The following ZNF512 variants were observed in gnomAD, a reference collection of about 807,000 sequenced individuals.
The protein encoded by ZNF512 is zinc finger protein 512.
In ZNF512, 25 loss-of-function variants were observed where a neutral mutation model predicts 77.5. The observed-to-expected ratio is 0.32, with a 90% CI of 0.23 to 0.45. The LOEUF is 0.45. Ranked by LOEUF, ZNF512 falls within the 20% of genes least tolerant of loss-of-function variation. The pLI, the probability that ZNF512 is intolerant of heterozygous loss-of-function variation, is 1.00. For missense variants in ZNF512, 483 were observed against 692.6 expected (o/e 0.70, Z 3.40); for synonymous variants, 246 against 239.9 (o/e 1.03, Z -0.24).
In ZNF512 at chr2:27,607,999, A is replaced by G; in HGVS notation, c.1091A>G (p.Lys364Arg). The change falls in exon 10 of 14, where the codon AAG (lysine) becomes AGG (arginine). Residue 364 changes from lysine to arginine, a missense_variant. Around this residue, in one of 2 missense-constraint regions of ZNF512, gnomAD observed 324 missense variants for 525.0 expected, o/e 0.62. Coordinates refer to ENST00000355467, the MANE Select transcript of ZNF512 (RefSeq NM_032434.4). The stretch of plus-strand genomic sequence containing the variant: ...GCTGAACTGGCCAAGGAATGGCCCA[A>G]GAGGAAGGTGCTTCAGGACCTGGTA... Reference protein sequence around the residue: ...ASAELAKEWPKRKVLQDLVPD... With the variant: ...ASAELAKEWPRRKVLQDLVPD... 2 of 1,600,766 alleles carry G rather than the reference A, an allele frequency of 1.2e-6. No homozygotes were observed. The highest frequency in any genetic ancestry group is 1.7e-6 in the Non-Finnish European group (2 of 1,175,150).
chr2:27,603,085 A>G, intron 8 of ZNF512, 55 bp from the exon 9 acceptor site: 1 of 1,589,828 alleles, frequency 6.3e-7, no homozygotes, highest in Non-Finnish European at 8.6e-7. Flanking sequence ...TTAGAAATTT[A>G]GGGATCATGT....
At chr2:27,619,245 A>G (rs1197965211) in intron 13 of ZNF512, among the ~76,000 whole-genome samples, 1 of 152,066 alleles carries the variant, frequency 6.6e-6, no homozygotes. Flanking sequence ...CCCCATCTCT[A>G]CTAAAAAGTT....
intron 2 of ZNF512, among the ~76,000 whole-genome samples, chr2:27,590,829 C>T (rs1204735614): frequency 6.6e-6 from 1 of 152,010 alleles, no homozygotes; most frequent in African/African-American, 2.4e-5. Flanking sequence ...TTTACCATTT[C>T]TGTTGCTCTT....
At position 27,621,310 on chromosome 2, in the gene ZNF512, A is replaced by T. The variant is rs1410556719; in HGVS notation, c.1553A>T (p.Glu518Val). ...CCTGGCATTGAGCTTCCCGAGACAGAGCTGAGTCTTAGAGTAGGGAAGGAT... is the reference window on the plus strand; with the variant it reads ...CCTGGCATTGAGCTTCCCGAGACAGTGCTGAGTCTTAGAGTAGGGAAGGAT... Reference protein sequence around the residue: ...QQPGIELPETELSLRVGKDQR... With the variant: ...QQPGIELPETVLSLRVGKDQR... Residue 518 changes from glutamate (E) to valine (V), a missense_variant, in exon 14 of 14, where the codon GAG becomes GTG. This residue lies in a region of ZNF512 where 324 missense variants were observed against 525.0 expected (regional missense o/e 0.62). Coordinates refer to ENST00000355467, the MANE Select transcript of ZNF512 (RefSeq NM_032434.4). 2 of 1,614,066 alleles carry T rather than the reference A, an allele frequency of 1.2e-6. No homozygotes were observed. Among genetic ancestry groups the T allele is most frequent in the Admixed American group, 1.7e-5 (1 of 59,992 alleles).
chr2:27,600,608 T>C (rs1269755312), intron 5 of ZNF512, 83 bp from the exon 6 acceptor site: 8 of 1,514,236 alleles, frequency 5.3e-6, no homozygotes, highest in Non-Finnish European at 7.1e-6. Flanking sequence ...CATTTTATGA[T>C]ACTTTTCCTA....
At chr2:27,611,452 G>C (rs1672659411) in intron 10 of ZNF512, among the ~76,000 whole-genome samples, 1 of 152,148 alleles carries the variant, frequency 6.6e-6, no homozygotes, top group Non-Finnish European at 1.5e-5. Context: ...TACCACTGAA[G>C]CATGTTGGCC....
At position 27,599,584 on chromosome 2, in the gene ZNF512, G is replaced by A. The variant is rs1362137239; in HGVS notation, c.279G>A (p.Gly93=). The change falls in exon 4 of 14, where the codon GGG becomes GGA. Residue 93 remains glycine, a splice_region_variant and synonymous_variant. Coordinates refer to ENST00000355467, the MANE Select transcript of ZNF512 (RefSeq NM_032434.4). ...IKPAATSHVE[G]SGGVSAKGKR... is the part of the protein sequence containing the mutation. ...TTTTGTTTTTGTATGGTACTTCAGG[G>A]TCAGGTGGAGTATCAGCCAAGGGGA... 1.2e-6 allele frequency: 2 copies of A among 1,613,764 alleles called. No individual in the cohort carries two copies. Among genetic ancestry groups the A allele is most frequent in the South Asian group, 2.2e-5 (2 of 91,070 alleles).
chr2:27,606,590 A>G (rs1572924794), intron 9 of ZNF512, among the ~76,000 whole-genome samples: 1 of 151,890 alleles, frequency 6.6e-6, no homozygotes, highest in Non-Finnish European at 1.5e-5. Flanking sequence ...TGAACTCCTG[A>G]CCTCAGGTTA....
chr2:27,599,339 T>A (rs1396751179), intron 3 of ZNF512, among the ~76,000 whole-genome samples: 6 of 152,214 alleles, frequency 3.9e-5, no homozygotes, highest in Non-Finnish European at 2.9e-5. Flanking sequence ...TGAATGCCCT[T>A]ATTATTCATA....
Position 27,598,181 on chromosome 2 carries a change from A to G in ZNF512, c.204A>G (p.Pro68=), listed in dbSNP as rs1671955141. 27 of 1,614,184 alleles carry G rather than the reference A, an allele frequency of 1.7e-5. No individual in the cohort carries two copies. Among genetic ancestry groups the G allele is most frequent in the Non-Finnish European group, 2.2e-5 (26 of 1,180,024 alleles). ...CGTGTGAACCAGTGAGTGATTTTCC[A>G]GCATCTTTCCGAAAATCTACCTACT... ...ASSCEPVSDF[P]ASFRKSTYWM... is the part of the protein sequence containing the mutation. The change falls in exon 3 of 14, where the codon CCA becomes CCG. Residue 68 remains proline, a synonymous_variant. Transcript: ENST00000355467.
intron 7 of ZNF512, 148 bp downstream of exon 7, chr2:27,601,590 C>T: frequency 1.5e-6 from 1 of 663,248 alleles, no homozygotes; most frequent in East Asian, 2.8e-5. Flanking sequence ...TCTCGTGTCT[C>T]AGCCCCTTGA....
At chr2:27,600,622 C>T (rs867018893) in intron 5 of ZNF512, 69 bp from the exon 6 acceptor site, 68 of 1,541,540 alleles carry the variant, frequency 4.4e-5, no homozygotes, top group Admixed American at 6.2e-5. Context: ...TTTCCTAAAT[C>T]GTGGGATTAT....
chr2:27,597,035 G>A (rs758939472), intron 2 of ZNF512, among the ~76,000 whole-genome samples: 10 of 152,072 alleles, frequency 6.6e-5, no homozygotes, highest in Non-Finnish European at 1.3e-4. Flanking sequence ...AGTTATGGTC[G>A]TGTCTCTATG....
At chr2:27,617,969 G>T (rs1404222550) in intron 13 of ZNF512, among the ~76,000 whole-genome samples, 3 of 118,114 alleles carry the variant, frequency 2.5e-5, no homozygotes, top group African/African-American at 5.8e-5. Context: ...TTTTTTTTTA[G>T]ACGGAGTCTC....
intron 5 of ZNF512, among the ~76,000 whole-genome samples, chr2:27,600,473 T>G (rs965124545): frequency 6.6e-6 from 1 of 152,176 alleles, no homozygotes; most frequent in African/African-American, 2.4e-5. Context: ...CGTTCTCAGG[T>G]GGTTTTTATC....
chr2:27,621,699 C>A lies in ZNF512; in HGVS notation c.*238C>A. On this transcript the variant is annotated 3_prime_UTR_variant, in exon 14 of 14. Transcript: ENST00000355467. Reference sequence around the variant, plus strand: ...AGTCCTCTTGTTTTTTTATCTTGCCCAAAGAGCTCCCTCTCAAGGCCAACT... The same window carrying A: ...AGTCCTCTTGTTTTTTTATCTTGCCAAAAGAGCTCCCTCTCAAGGCCAACT... The A allele has an allele frequency of 4.6e-6, 2 of 434,288 alleles. No homozygotes were observed. Among genetic ancestry groups the A allele is most frequent in the Non-Finnish European group, 8.3e-6 (2 of 241,398 alleles). 26.9% of individuals were successfully genotyped at this position (434,288 alleles called of 1,614,324 possible). A position where few individuals can be genotyped will look rare whatever the true frequency, so the allele number is the denominator to read the frequency against.
In ZNF512 at chr2:27,603,307, T is replaced by C; in HGVS notation, c.936T>C (p.Pro312=). The change falls in exon 9 of 14, where the codon CCT becomes CCC. Residue 312 remains proline, a splice_region_variant and synonymous_variant. Transcript: ENST00000355467. ...ATCACCTGAGGTCAGAGCATGGGCC[T>C]GTGAGTACTGATTCCTTTCTATACC... The part of the protein sequence containing the change: ...LAYHLRSEHG[P]ISFFPESGQP... The C allele has an allele frequency of 6.2e-7, 1 of 1,613,672 alleles. No individual in the cohort carries two copies. Among genetic ancestry groups the C allele is most frequent in the South Asian group, 1.1e-5 (1 of 91,072 alleles).
intron 12 of ZNF512, 82 bp from the exon 13 acceptor site, chr2:27,617,391 C>T (rs1672927990): frequency 1.4e-6 from 1 of 719,822 alleles, no homozygotes; most frequent in African/African-American, 1.8e-5. Flanking sequence ...TCCCTCTTTT[C>T]ATCTCTAACA....
chr2:27,609,074 A>G (rs935149199), intron 10 of ZNF512, among the ~76,000 whole-genome samples: 1 of 150,318 alleles, frequency 6.7e-6, no homozygotes, highest in Admixed American at 6.7e-5. Flanking sequence ...GGACCACTGC[A>G]CTCCAGCCTG....
Sources: allele counts gnomAD v4.1 joint callset (sites outside exome capture counted in the v4.1 genomes callset), GRCh38; gene constraint gnomAD v4.1.1; regional missense constraint gnomAD v4.1.1; transcripts MANE v1.5; gene names NCBI Gene and HGNC (gene_info 2026-07-23, HGNC 2026-07-21).